Variants in PITPNC1 observed in about 807,000 individuals in gnomAD.
PITPNC1 encodes phosphatidylinositol transfer protein cytoplasmic 1, also known as cytoplasmic phosphatidylinositol transfer protein 1.
A neutral mutation model predicts 44.7 loss-of-function variants in PITPNC1; 18 were observed. The observed-to-expected ratio is 0.40, with a 90% confidence interval of 0.28 to 0.60. PITPNC1 has a LOEUF of 0.60. Ranked by LOEUF, PITPNC1 falls within the 20% of genes least tolerant of loss-of-function variation. The pLI is 0.39. For missense variants in PITPNC1, 290 were observed against 418.4 expected (o/e 0.69, Z 2.68); for synonymous variants, 141 against 149.6 (o/e 0.94, Z 0.42).
rs2038009116 is a variant in PITPNC1 at position 67,384,381 on chromosome 17, A to G, written c.48+6179A>G. ...GGATCAGGGTGGTGCTGCCTCTGGA[A>G]TGACATGAATGGAAATGCCAAAATG... On this transcript the variant is annotated intron_variant, in intron 1 of 8. Transcript: ENST00000581322. 1.3e-5 allele frequency among the ~76,000 whole-genome samples: 2 copies of G among 151,702 alleles called. 1 individual carries two copies. The highest frequency in any genetic ancestry group is 3.9e-4 in the East Asian group (2 of 5,178).
At chr17:67,391,569 C>T (rs1271151144) in intron 1 of PITPNC1, among the ~76,000 whole-genome samples, 1 of 152,112 alleles carries the variant, frequency 6.6e-6, no homozygotes, top group African/African-American at 2.4e-5. Flanking sequence ...CAACCTCCGC[C>T]TCCTGGGTTC....
At chr17:67,522,542 T>C (rs2040337928) in intron 1 of PITPNC1, among the ~76,000 whole-genome samples, 1 of 152,032 alleles carries the variant, frequency 6.6e-6, no homozygotes. Flanking sequence ...TTCATAATCA[T>C]AAAGTAATTG....
At chr17:67,465,792 C>G (rs1468376247) in intron 1 of PITPNC1, among the ~76,000 whole-genome samples, 1 of 152,050 alleles carries the variant, frequency 6.6e-6, no homozygotes, top group East Asian at 1.9e-4. Flanking sequence ...ACTCCCAAAA[C>G]TTCGTGGAAG....
intron 5 of PITPNC1, among the ~76,000 whole-genome samples, chr17:67,586,598 GA>G (rs111765556): frequency 4.0e-4 from 59 of 146,428 alleles, no homozygotes; most frequent in East Asian, 1.2e-3. Context: ...TCCATCTCAG[GA>G]AAAAAAAAAA....
At chr17:67,562,559 G>T (rs2040919629) in intron 4 of PITPNC1, among the ~76,000 whole-genome samples, 1 of 150,674 alleles carries the variant, frequency 6.6e-6, no homozygotes, top group Admixed American at 6.6e-5. Context: ...CCCCACTTGA[G>T]TTCTTCTTCT....
intron 1 of PITPNC1, among the ~76,000 whole-genome samples, chr17:67,470,911 C>A (rs2039516159): frequency 7.6e-6 from 1 of 131,242 alleles, no homozygotes; most frequent in African/African-American, 2.9e-5. Flanking sequence ...ACCCCCAACC[C>A]TGTGCTCTCT....
intron 2 of PITPNC1, among the ~76,000 whole-genome samples, chr17:67,540,410 C>CT (rs1350243960): frequency 6.6e-6 from 1 of 151,940 alleles, no homozygotes; most frequent in Non-Finnish European, 1.5e-5. Context: ...TGGCCTATTC[C>CT]TTTTTTTAAA....
At chr17:67,490,280 GTTA>G (rs1373061988) in intron 1 of PITPNC1, among the ~76,000 whole-genome samples, 1 of 151,962 alleles carries the variant, frequency 6.6e-6, no homozygotes, top group Non-Finnish European at 1.5e-5. Flanking sequence ...GTGTGTGTGT[GTTA>G]TTATCTAACC....
intron 1 of PITPNC1, among the ~76,000 whole-genome samples, chr17:67,514,011 G>GA (rs113151579): frequency 0.038 from 5,508 of 145,624 alleles, 228 homozygotes; most frequent in African/African-American, 0.11. Flanking sequence ...GCAAAGAAGG[G>GA]AAAAAAAAAA....
At chr17:67,437,796 G>A (rs955786467) in intron 1 of PITPNC1, among the ~76,000 whole-genome samples, 1 of 152,172 alleles carries the variant, frequency 6.6e-6, no homozygotes, top group Non-Finnish European at 1.5e-5. Context: ...GGCCGAGTGC[G>A]GAGGCTCGGG....
chr17:67,414,367 A>G (rs903786846), intron 1 of PITPNC1, among the ~76,000 whole-genome samples: 4 of 152,228 alleles, frequency 2.6e-5, no homozygotes, highest in African/African-American at 9.6e-5. Flanking sequence ...TCAGCAGTGA[A>G]AAGGAAATGA....
At chr17:67,540,334 A>G (rs890293251) in intron 2 of PITPNC1, among the ~76,000 whole-genome samples, 1 of 152,024 alleles carries the variant, frequency 6.6e-6, no homozygotes, top group African/African-American at 2.4e-5. Context: ...CTAACTCCTT[A>G]CCTCAAATGA....
Position 67,470,617 on chromosome 17 carries a change from G to A in PITPNC1, c.49-62185G>A, listed in dbSNP as rs369858086. Among the ~76,000 whole-genome samples the A allele has an allele frequency of 3.4e-4, 52 of 152,222 alleles. 1 individual carries two copies. In the South Asian group the frequency reaches 0.01, roughly 30 times the overall value. On this transcript the variant is annotated intron_variant, in intron 1 of 8. Transcript: ENST00000581322. ...CCCTGCCCGGCCAGCCGCCCCGTCC[G>A]GGAGGTGAGGGGCACCTCTGCCCGG...
intron 1 of PITPNC1, among the ~76,000 whole-genome samples, chr17:67,396,920 G>A (rs893663732): frequency 6.6e-6 from 1 of 152,138 alleles, no homozygotes; most frequent in African/African-American, 2.4e-5. Flanking sequence ...CTCCCAAAGT[G>A]CTGGGATTAC....
chr17:67,537,055 A>T (rs540356972), intron 2 of PITPNC1, among the ~76,000 whole-genome samples: 2 of 152,350 alleles, frequency 1.3e-5, no homozygotes, highest in Admixed American at 6.5e-5. Flanking sequence ...ATAAAACATT[A>T]GCGAATAAAA....
intron 1 of PITPNC1, among the ~76,000 whole-genome samples, chr17:67,449,408 G>T (rs1361187129): frequency 6.6e-6 from 1 of 152,142 alleles, no homozygotes; most frequent in Non-Finnish European, 1.5e-5. Flanking sequence ...AGCCTGTAGT[G>T]TTCTAATCAC....
intron 1 of PITPNC1, among the ~76,000 whole-genome samples, chr17:67,498,884 T>C (rs2039991081): frequency 6.6e-6 from 1 of 151,706 alleles, no homozygotes; most frequent in Non-Finnish European, 1.5e-5. Context: ...TTTTGTTTTT[T>C]TTTTTGAGAT....
At chr17:67,495,474 T>C (rs2144056167) in intron 1 of PITPNC1, among the ~76,000 whole-genome samples, 1 of 152,298 alleles carries the variant, frequency 6.6e-6, no homozygotes, top group Middle Eastern at 3.4e-3. Flanking sequence ...GATTATTTCA[T>C]CACCCACTTA....
At position 67,696,551 on chromosome 17, in the gene PITPNC1, T is replaced by C. The variant is rs1426732865; in HGVS notation, c.*3663T>C. 1.3e-5 allele frequency: 2 copies of C among 152,220 alleles called. No homozygotes were observed. The highest frequency in any genetic ancestry group is 2.9e-5 in the Non-Finnish European group (2 of 68,038). 9.4% of individuals were successfully genotyped at this position (152,220 alleles called of 1,614,324 possible). ...TGACTCAGTAGGCTAGGAGACAATC[T>C]GTCATCTGAGCCATAGTTCTTGAGA... On this transcript the variant is annotated 3_prime_UTR_variant, in exon 9 of 9. Coordinates refer to ENST00000581322, the MANE Select transcript of PITPNC1 (RefSeq NM_012417.4).
Sources: gnomAD v4.1 joint callset for allele counts (sites outside exome capture counted in the v4.1 genomes callset) on GRCh38, gnomAD v4.1.1 for gene constraint, MANE v1.5 for transcripts, NCBI Gene and HGNC (gene_info 2026-07-23, HGNC 2026-07-21) for gene names.